Variants in CNTNAP4 observed in about 807,000 individuals in gnomAD.
The protein encoded by CNTNAP4 is contactin associated protein family member 4.
A neutral mutation model predicts 148.4 loss-of-function variants in CNTNAP4; 98 were observed. The ratio of observed to expected loss-of-function variants is 0.66; its 90% CI spans 0.56 to 0.78. The LOEUF is 0.78. Ranked by LOEUF, CNTNAP4 falls within the 30% of genes least tolerant of loss-of-function variation. The pLI, the probability that CNTNAP4 is intolerant of heterozygous loss-of-function variation, is 0.00. For synonymous variants in CNTNAP4, 730 were observed against 565.1 expected (o/e 1.29, Z -4.14); for missense variants, 1,935 against 1,565.6 (o/e 1.24, Z -3.98).
intron 8 of CNTNAP4, among the ~76,000 whole-genome samples, chr16:76,454,798 G>A (rs893241736): frequency 6.6e-6 from 1 of 152,102 alleles, no homozygotes; most frequent in African/African-American, 2.4e-5. Flanking sequence ...AGAGAACCAT[G>A]TCTTTATTGA....
chr16:76,427,758 A>G (rs561313244), intron 4 of CNTNAP4, among the ~76,000 whole-genome samples, 159 bp downstream of exon 4: 2 of 152,334 alleles, frequency 1.3e-5, no homozygotes, highest in South Asian at 2.1e-4. Flanking sequence ...GTACATGCCA[A>G]TATTGACTTT....
rs12598475 is a variant in CNTNAP4, at chr16:76,537,719, T to A, written c.2996-397T>A. On this transcript the variant is annotated intron_variant, in intron 18 of 23. Coordinates refer to ENST00000611870, the MANE Select transcript of CNTNAP4 (RefSeq NM_033401.5). ...TCAAACATCCTTCCTTCCTAACTAT[T>A]TTGTAGATAGGAGGCCCTAGACTTC... 3.8e-3 allele frequency among the ~76,000 whole-genome samples: 580 copies of A among 152,172 alleles called. 18 individuals carry two copies. The East Asian group carries it at 0.097, about 25-fold the overall frequency.
chr16:76,447,970 G>C (rs894932715), intron 4 of CNTNAP4, 42 bp from the exon 5 acceptor site: 1 of 1,424,964 alleles, frequency 7.0e-7, no homozygotes, highest in South Asian at 1.2e-5. Context: ...TAATGGAAAA[G>C]ATATTTATCC....
intron 2 of CNTNAP4, among the ~76,000 whole-genome samples, chr16:76,352,903 A>G (rs1056686271): frequency 6.6e-6 from 1 of 152,190 alleles, no homozygotes; most frequent in African/African-American, 2.4e-5. Flanking sequence ...AAGGGTAGGA[A>G]GTACCCTTCA....
At chr16:76,328,717 C>T (rs1468466720) in intron 2 of CNTNAP4, among the ~76,000 whole-genome samples, 1 of 151,994 alleles carries the variant, frequency 6.6e-6, no homozygotes, top group Non-Finnish European at 1.5e-5. Flanking sequence ...GCAATCTTGG[C>T]TCACTGCAAC....
At position 76,560,727 on chromosome 16, in the gene CNTNAP4, A is replaced by G. The variant is rs1350898709; in HGVS notation, c.*2044A>G. ...TTCCTGATTTGTAATCTCTTATTTT[A>G]TCATTAATAAAATGCATTTTTGAAC... On this transcript the variant is annotated 3_prime_UTR_variant, in exon 24 of 24. Coordinates refer to ENST00000611870, the MANE Select transcript of CNTNAP4 (RefSeq NM_033401.5). 6.6e-6 allele frequency among the ~76,000 whole-genome samples: 1 copy of G among 152,152 alleles called. No individual in the cohort carries two copies. Among genetic ancestry groups the G allele is most frequent in the Non-Finnish European group, 1.5e-5 (1 of 68,024 alleles).
At chr16:76,442,460 G>T (rs1326739567) in intron 4 of CNTNAP4, among the ~76,000 whole-genome samples, 1 of 152,080 alleles carries the variant, frequency 6.6e-6, no homozygotes, top group South Asian at 2.1e-4. Flanking sequence ...CTGAGGCTGG[G>T]TAATTTATTA....
chr16:76,540,983 A>C (rs572230656), intron 21 of CNTNAP4, among the ~76,000 whole-genome samples, 193 bp downstream of exon 21: 2 of 152,150 alleles, frequency 1.3e-5, no homozygotes, highest in Admixed American at 1.3e-4. Context: ...GTGATGAGCA[A>C]GCATCTTCCT....
intron 4 of CNTNAP4, among the ~76,000 whole-genome samples, chr16:76,443,510 G>A (rs2080122406): frequency 6.6e-6 from 1 of 152,136 alleles, no homozygotes; most frequent in South Asian, 2.1e-4. Flanking sequence ...AGGTTCACTT[G>A]AGCCTCGGAG....
intron 2 of CNTNAP4, among the ~76,000 whole-genome samples, chr16:76,318,838 A>G (rs187143415): frequency 6.6e-6 from 1 of 151,360 alleles, no homozygotes; most frequent in East Asian, 1.9e-4. Flanking sequence ...TTCTCATAAT[A>G]TTTCAGTCAG....
chr16:76,514,861 A>G (rs981936262), intron 15 of CNTNAP4, among the ~76,000 whole-genome samples: 1 of 152,140 alleles, frequency 6.6e-6, no homozygotes, highest in African/African-American at 2.4e-5. Flanking sequence ...TAAAATCTAT[A>G]TTTTTCAGCT....
intron 2 of CNTNAP4, among the ~76,000 whole-genome samples, chr16:76,341,657 A>T (rs1964478909): frequency 6.6e-6 from 1 of 152,196 alleles, no homozygotes; most frequent in Admixed American, 6.5e-5. Context: ...ATGAATAGAT[A>T]TATGGGAGGC....
At position 76,558,787 on chromosome 16, in the gene CNTNAP4, C is replaced by A; in HGVS notation, c.*104C>A. 2 of 818,434 alleles carry A rather than the reference C, an allele frequency of 2.4e-6. No homozygotes were observed. The highest frequency in any genetic ancestry group is 3.7e-6 in the Non-Finnish European group (2 of 535,034). The allele number at this position is 818,434 out of a possible 1,614,324, so 50.7% of individuals were successfully genotyped here. The stretch of plus-strand genomic sequence containing the variant: ...TTACACTGAATGTACAGGCAGTGGG[C>A]TTGCAGCACTGCCATCTTGCCATGT... On this transcript the variant is annotated 3_prime_UTR_variant, in exon 24 of 24. Coordinates refer to ENST00000611870, the MANE Select transcript of CNTNAP4 (RefSeq NM_033401.5).
Position 76,448,133 on chromosome 16 carries a change from T to G in CNTNAP4, c.660T>G (p.Ile220Met). 6.2e-7 allele frequency: 1 copy of G among 1,613,490 alleles called. No homozygotes were observed. Among genetic ancestry groups the G allele is most frequent in the Non-Finnish European group, 8.5e-7 (1 of 1,179,484 alleles). ...LKFKTMQSDG[I>M]LLHREGPNGD... ...TCAAAACCATGCAGAGTGATGGGAT[T>G]CTACTCCACAGGGAAGGGCCAAATG... The change falls in exon 5 of 24, where the codon ATT (isoleucine) becomes ATG (methionine). Residue 220 changes from isoleucine (I) to methionine (M), a missense_variant. Transcript: ENST00000611870.
At chr16:76,306,340 A>G (rs1161943097) in intron 1 of CNTNAP4, among the ~76,000 whole-genome samples, 1 of 152,072 alleles carries the variant, frequency 6.6e-6, no homozygotes, top group Non-Finnish European at 1.5e-5. Context: ...GTCTTTTCTC[A>G]TTGTTTTCCA....
At chr16:76,320,659 C>T (rs1962310387) in intron 2 of CNTNAP4, among the ~76,000 whole-genome samples, 1 of 152,128 alleles carries the variant, frequency 6.6e-6, no homozygotes, top group African/African-American at 2.4e-5. Flanking sequence ...TACATTGACT[C>T]TTAGTGTTGT....
chr16:76,462,166 T>G, intron 9 of CNTNAP4, 61 bp downstream of exon 9: 1 of 1,434,376 alleles, frequency 7.0e-7, no homozygotes, highest in Non-Finnish European at 9.6e-7. Flanking sequence ...TGCCCCCGTG[T>G]CTTGGCGAAG....
chr16:76,484,238 G>C (rs1267152715), intron 12 of CNTNAP4, among the ~76,000 whole-genome samples: 1 of 113,054 alleles, frequency 8.8e-6, no homozygotes, highest in Non-Finnish European at 1.7e-5. Flanking sequence ...TTTGAAATGA[G>C]GTCAGATGGG....
At chr16:76,420,279 A>ATATTAGAATAATGTATATTCTGTAT (rs1324649016) in intron 3 of CNTNAP4, among the ~76,000 whole-genome samples, 4 of 150,316 alleles carry the variant, frequency 2.7e-5, no homozygotes, top group Admixed American at 6.6e-5. Flanking sequence ...TATAGGAGAT[A>ATATTAGAATAATGTATATTCTGTAT]AATATTAATT....
Sources: allele counts gnomAD v4.1 joint callset (sites outside exome capture counted in the v4.1 genomes callset), GRCh38; gene constraint gnomAD v4.1.1; transcripts MANE v1.5; gene names NCBI Gene and HGNC (gene_info 2026-07-23, HGNC 2026-07-21).